The following BANK1 variants were observed in gnomAD, a reference collection of about 807,000 sequenced individuals.
The protein encoded by BANK1 is B-cell scaffold protein with ankyrin repeats.
Under a neutral mutation model 94.5 loss-of-function variants are expected in BANK1, and 95 were observed. The observed-to-expected ratio is 1.00, with a 90% CI of 0.85 to 1.19. The LOEUF (loss-of-function observed/expected upper bound fraction) is 1.19. BANK1 is among the 50% of genes most tolerant of loss of function. The probability of loss-of-function intolerance (pLI) is 0.00; values close to 1 mark genes in which losing one functional copy is unlikely to be tolerated. For missense variants in BANK1, 987 were observed against 932.2 expected (o/e 1.06, Z -0.77); for synonymous variants, 334 against 308.4 (o/e 1.08, Z -0.87).
intron 7 of BANK1, among the ~76,000 whole-genome samples, chr4:101,950,345 A>G (rs1421018137): frequency 1.3e-5 from 2 of 152,156 alleles, no homozygotes; most frequent in Admixed American, 1.3e-4. Context: ...TTTGAAGAGT[A>G]AAGTAAGAGG....
chr4:101,854,543 A>C (rs1262243488), intron 2 of BANK1, among the ~76,000 whole-genome samples: 2 of 152,100 alleles, frequency 1.3e-5, no homozygotes, highest in African/African-American at 4.8e-5. Context: ...CTATTAAACC[A>C]GTATTTCCTA....
intron 6 of BANK1, among the ~76,000 whole-genome samples, chr4:101,900,453 T>C (rs1722240596): frequency 1.3e-5 from 2 of 152,104 alleles, no homozygotes; most frequent in Non-Finnish European, 2.9e-5. Context: ...GATGATGGTG[T>C]GTAAAAATGA....
chr4:101,797,101 A>G (rs1043031774), intron 1 of BANK1, among the ~76,000 whole-genome samples: 1 of 152,162 alleles, frequency 6.6e-6, no homozygotes, highest in African/African-American at 2.4e-5. Flanking sequence ...AAAGTATAGT[A>G]TCTCCATTAA....
At chr4:102,009,852 G>A (rs1726426397) in intron 7 of BANK1, among the ~76,000 whole-genome samples, 1 of 152,068 alleles carries the variant, frequency 6.6e-6, no homozygotes, top group Non-Finnish European at 1.5e-5. Context: ...ACATATGGAT[G>A]TGCATGTCTG....
intron 5 of BANK1, among the ~76,000 whole-genome samples, chr4:101,893,921 T>C (rs1169800696): frequency 6.6e-6 from 1 of 152,088 alleles, no homozygotes; most frequent in East Asian, 1.9e-4. Context: ...TCTCTCACTC[T>C]TCTTTTTCTT....
At chr4:101,814,868 TGAATG>T (rs1725849078) in intron 1 of BANK1, among the ~76,000 whole-genome samples, 1 of 152,248 alleles carries the variant, frequency 6.6e-6, no homozygotes, top group Non-Finnish European at 1.5e-5. Flanking sequence ...TTATTACTAT[TGAATG>T]GAATTCAGTG....
chr4:101,905,048 T>G (rs1236828941), intron 6 of BANK1, among the ~76,000 whole-genome samples: 1 of 152,202 alleles, frequency 6.6e-6, no homozygotes, highest in African/African-American at 2.4e-5. Flanking sequence ...TAATTTCACT[T>G]TTTCCCATTT....
intron 7 of BANK1, among the ~76,000 whole-genome samples, chr4:101,932,841 C>T (rs28532080): frequency 0.011 from 1,681 of 151,572 alleles, 39 homozygotes; most frequent in African/African-American, 0.038. Flanking sequence ...AGATTTTGTG[C>T]ATGGGTAAAA....
intron 7 of BANK1, among the ~76,000 whole-genome samples, chr4:101,929,702 A>G (rs1560637680): frequency 6.6e-6 from 1 of 151,526 alleles, no homozygotes; most frequent in Non-Finnish European, 1.5e-5. Flanking sequence ...GCAATCATTT[A>G]AAGTAGCCAG....
At chr4:102,053,703 TTAAA>T (rs1297441181) in intron 11 of BANK1, among the ~76,000 whole-genome samples, 1 of 151,810 alleles carries the variant, frequency 6.6e-6, no homozygotes, top group Non-Finnish European at 1.5e-5. Context: ...TGAAGTAAAC[TTAAA>T]TAATTATTGT....
At chr4:101,972,015 A>G (rs185552691) in intron 7 of BANK1, among the ~76,000 whole-genome samples, 1 of 152,034 alleles carries the variant, frequency 6.6e-6, no homozygotes, top group African/African-American at 2.4e-5. Flanking sequence ...TTCTACTCCT[A>G]TGAAAAATGA....
At chr4:102,011,399 A>T (rs1726507379) in intron 7 of BANK1, among the ~76,000 whole-genome samples, 2 of 152,356 alleles carry the variant, frequency 1.3e-5, no homozygotes, top group East Asian at 1.9e-4. Flanking sequence ...TTGAAGTTTT[A>T]AATGCTAACC....
intron 2 of BANK1, among the ~76,000 whole-genome samples, chr4:101,846,590 G>C (rs1727255239): frequency 6.6e-6 from 1 of 152,220 alleles, no homozygotes; most frequent in Non-Finnish European, 1.5e-5. Flanking sequence ...AAGGCCTCAG[G>C]AAACTTAAAA....
intron 6 of BANK1, among the ~76,000 whole-genome samples, chr4:101,916,550 T>G (rs1722835228): frequency 6.6e-6 from 1 of 152,046 alleles, no homozygotes; most frequent in Admixed American, 6.6e-5. Flanking sequence ...TTACTTCAAT[T>G]TAATTATCAG....
chr4:101,825,125 A>C (rs1053970362), intron 1 of BANK1, among the ~76,000 whole-genome samples: 6 of 152,132 alleles, frequency 3.9e-5, no homozygotes, highest in African/African-American at 1.4e-4. Flanking sequence ...TACATTTAAA[A>C]TAATTTATTT....
intron 2 of BANK1, among the ~76,000 whole-genome samples, chr4:101,851,508 GAAT>G (rs1450033877): frequency 3.3e-5 from 5 of 152,200 alleles, no homozygotes; most frequent in Non-Finnish European, 5.9e-5. Flanking sequence ...TGCCTCAAAG[GAAT>G]AATGAGTGAA....
At chr4:101,923,578 A>C (rs577782840) in intron 7 of BANK1, among the ~76,000 whole-genome samples, 3 of 151,772 alleles carry the variant, frequency 2.0e-5, no homozygotes, top group African/African-American at 7.3e-5. Context: ...TTCTTTCTGC[A>C]CTCTCTTCAC....
chr4:101,887,571 C>A (rs1728901074), intron 5 of BANK1, among the ~76,000 whole-genome samples: 2 of 152,236 alleles, frequency 1.3e-5, no homozygotes, highest in East Asian at 1.9e-4. Flanking sequence ...CTAAAAAATT[C>A]TGTCAGTTAA....
chr4:102,022,115 T>G (rs1045165330), intron 8 of BANK1, among the ~76,000 whole-genome samples: 1 of 152,046 alleles, frequency 6.6e-6, no homozygotes, highest in African/African-American at 2.4e-5. Context: ...TAAACGTGTA[T>G]ATATACGCGT....
Sources: allele counts gnomAD v4.1 joint callset (sites outside exome capture counted in the v4.1 genomes callset), GRCh38; gene constraint gnomAD v4.1.1; transcripts MANE v1.5; gene names NCBI Gene and HGNC (gene_info 2026-07-23, HGNC 2026-07-21).